ETNK1: variants seen among roughly 807,000 people sequenced by gnomAD.
The protein encoded by ETNK1 is ethanolamine kinase 1, also known as putative protein product of Nbla10396.
Under a neutral mutation model 45.1 loss-of-function variants are expected in ETNK1, and 8 were observed. That is an observed-to-expected ratio of 0.18 (90% CI 0.10 to 0.32). The LOEUF (loss-of-function observed/expected upper bound fraction) is 0.32. Ranked by LOEUF, ETNK1 falls within the 10% of genes least tolerant of loss-of-function variation. ETNK1 has a pLI of 1.00. For missense variants in ETNK1, 302 were observed against 430.6 expected, an observed-to-expected ratio of 0.70 and a Z score of 2.64; for synonymous variants, 152 against 151.9, an observed-to-expected ratio of 1.00 and a Z score of -0.01.
At chr12:22,660,740 T>G (rs1490224568) in intron 3 of ETNK1, among the ~76,000 whole-genome samples, 1 of 152,128 alleles carries the variant, frequency 6.6e-6, no homozygotes, top group Non-Finnish European at 1.5e-5. Flanking sequence ...TCTATAAAAT[T>G]GACATAAATG....
chr12:22,651,780 G>A (rs1158656962), intron 2 of ETNK1, among the ~76,000 whole-genome samples: 1 of 148,964 alleles, frequency 6.7e-6, no homozygotes, highest in Admixed American at 6.8e-5. Context: ...CTGCCTCCCA[G>A]GTTCAAGTGA....
rs1360617492 is a variant in ETNK1 at position 22,625,923 on chromosome 12, C to T, written c.156+337C>T. On this transcript the variant is annotated intron_variant, in intron 1 of 7. Coordinates refer to ENST00000266517, the MANE Select transcript of ETNK1 (RefSeq NM_018638.5). ...CACTGCAAAATGAACCTTTCCACTC[C>T]CCTTGCACGGGGTCCTCGTCTACCT... 1.0e-5 allele frequency: 6 copies of T among 577,356 alleles called. No individual in the cohort carries two copies. In the Admixed American group the frequency reaches 1.3e-4, roughly 13 times the overall value. 35.8% of individuals were successfully genotyped at this position (577,356 alleles called of 1,614,324 possible). A position where few individuals can be genotyped will look rare whatever the true frequency, so the allele number is the denominator to read the frequency against.
chr12:22,682,868 C>T (rs985755759), intron 6 of ETNK1, among the ~76,000 whole-genome samples: 9 of 152,150 alleles, frequency 5.9e-5, no homozygotes, highest in African/African-American at 2.2e-4. Context: ...CCCATGGGTT[C>T]ATCGACCACT....
At chr12:22,658,853 C>T (rs868115755) in intron 2 of ETNK1, among the ~76,000 whole-genome samples, 161 bp from the exon 3 acceptor site, 2 of 152,130 alleles carry the variant, frequency 1.3e-5, no homozygotes, top group African/African-American at 2.4e-5. Context: ...TAAACTGACT[C>T]AGTAGGGTTC....
intron 2 of ETNK1, among the ~76,000 whole-genome samples, chr12:22,653,343 T>C (rs1953901471): frequency 6.6e-6 from 1 of 152,148 alleles, no homozygotes; most frequent in African/African-American, 2.4e-5. Context: ...GCTACTCGGG[T>C]CCCTTGAGAG....
intron 1 of ETNK1, among the ~76,000 whole-genome samples, chr12:22,636,487 CCCTTAGTCATTATAAAATGTCCCT>C (rs1953656851): frequency 6.6e-6 from 1 of 151,802 alleles, no homozygotes; most frequent in Non-Finnish European, 1.5e-5. Context: ...GTGGATCAAT[CCCTTAGTCATTATAAAATGTCCCT>C]CCTTATCTTT....
chr12:22,684,777 A>G, intron 7 of ETNK1, 105 bp from the exon 8 acceptor site: 2 of 943,682 alleles, frequency 2.1e-6, no homozygotes, highest in South Asian at 1.7e-5. Context: ...TCCTTTGAAA[A>G]TCTTAAACTT....
At chr12:22,678,837 T>C (rs1421595623) in intron 6 of ETNK1, among the ~76,000 whole-genome samples, 1 of 152,188 alleles carries the variant, frequency 6.6e-6, no homozygotes, top group Non-Finnish European at 1.5e-5. Context: ...GAACTCTGCT[T>C]TTGGAGAAGT....
At chr12:22,640,270 T>G (rs1306489972) in intron 1 of ETNK1, among the ~76,000 whole-genome samples, 1 of 152,164 alleles carries the variant, frequency 6.6e-6, no homozygotes, top group Admixed American at 6.6e-5. Flanking sequence ...TTTACTAGCT[T>G]AGTAGTATAC....
rs1033598099 is a variant in ETNK1 at position 22,661,252 on chromosome 12, T to G, written c.700+47T>G. 3 of 1,497,570 alleles carry G rather than the reference T, an allele frequency of 2.0e-6. No homozygotes were observed. The African/African-American group carries it at 4.2e-5, about 21-fold the overall frequency. 92.8% of individuals were successfully genotyped at this position (1,497,570 alleles called of 1,614,324 possible). ...TAAGTAAAATTGATTTCTTTTATGT[T>G]CTTAATGGTCATTTTATCTCTATAT... On this transcript the variant is annotated intron_variant, in intron 4 of 7. Coordinates refer to ENST00000266517, the MANE Select transcript of ETNK1 (RefSeq NM_018638.5).
intron 1 of ETNK1, 182 bp downstream of exon 1, chr12:22,625,768 G>T (rs1387071003): frequency 1.1e-6 from 1 of 890,048 alleles, no homozygotes; most frequent in East Asian, 2.6e-5. Context: ...CCTTCCCGTC[G>T]CAGTTGCTCT....
chr12:22,655,676 A>G (rs1339190468), intron 2 of ETNK1, among the ~76,000 whole-genome samples: 2 of 148,954 alleles, frequency 1.3e-5, no homozygotes, highest in African/African-American at 4.9e-5. Context: ...TGAAGTTCAT[A>G]TTGTCATTAT....
intron 1 of ETNK1, among the ~76,000 whole-genome samples, chr12:22,638,072 G>A (rs1003145122): frequency 1.3e-5 from 2 of 152,178 alleles, no homozygotes; most frequent in Middle Eastern, 3.4e-3. Flanking sequence ...CATATGGTAG[G>A]TTTGGAAGTG....
intron 1 of ETNK1, among the ~76,000 whole-genome samples, chr12:22,634,588 T>C (rs1565862392): frequency 6.6e-6 from 1 of 152,236 alleles, no homozygotes; most frequent in Non-Finnish European, 1.5e-5. Context: ...ATTAATCTTT[T>C]CAAAGAACAA....
intron 2 of ETNK1, chr12:22,656,417 C>T (rs551287503): frequency 1.0e-6 from 1 of 985,282 alleles, no homozygotes; most frequent in African/African-American, 1.7e-5. Flanking sequence ...AGTAAACTTA[C>T]ACTGATTGTT....
intron 6 of ETNK1, among the ~76,000 whole-genome samples, chr12:22,680,148 TG>T (rs1201642334): frequency 3.9e-5 from 6 of 152,200 alleles, no homozygotes; most frequent in African/African-American, 1.2e-4. Flanking sequence ...TGTTCTGATT[TG>T]GGTCTACCCC....
chr12:22,681,168 G>A (rs1423621169), intron 6 of ETNK1, among the ~76,000 whole-genome samples: 3 of 151,244 alleles, frequency 2.0e-5, no homozygotes, highest in Non-Finnish European at 3.0e-5. Context: ...AGAATCTACT[G>A]TTATATATTA....
At chr12:22,676,417 A>G (rs540943943) in intron 6 of ETNK1, among the ~76,000 whole-genome samples, 1 of 152,084 alleles carries the variant, frequency 6.6e-6, no homozygotes, top group South Asian at 2.1e-4. Context: ...ATTGATGGGC[A>G]TTTGGGTTGG....
At chr12:22,627,831 C>T (rs1346735359) in intron 1 of ETNK1, among the ~76,000 whole-genome samples, 1 of 151,804 alleles carries the variant, frequency 6.6e-6, no homozygotes, top group Non-Finnish European at 1.5e-5. Flanking sequence ...TGTAGTAATA[C>T]TTATCTGGTG....
Sources: gnomAD v4.1 joint callset for allele counts (sites outside exome capture counted in the v4.1 genomes callset) on GRCh38, gnomAD v4.1.1 for gene constraint, MANE v1.5 for transcripts, NCBI Gene and HGNC (gene_info 2026-07-23, HGNC 2026-07-21) for gene names.